Variants in OXR1 observed in about 807,000 individuals in gnomAD.
OXR1 encodes oxidation resistance protein 1.
OXR1 carries 41 observed loss-of-function variants against 104.6 expected under a neutral mutation model. That is an observed-to-expected ratio of 0.39 (90% CI 0.31 to 0.51). The LOEUF is 0.51. Among genes scored for constraint, OXR1 ranks in the 20% least tolerant of loss-of-function variants. The probability of loss-of-function intolerance (pLI) is 0.77; values close to 1 mark genes in which losing one functional copy is unlikely to be tolerated. For missense variants in OXR1, 955 were observed against 1,031.9 expected (o/e 0.93, Z 1.02); for synonymous variants, 348 against 348.4 (o/e 1.00, Z 0.01).
intron 2 of OXR1, among the ~76,000 whole-genome samples, chr8:106,404,301 G>T (rs577619129): frequency 5.3e-5 from 8 of 152,204 alleles, no homozygotes; most frequent in African/African-American, 1.7e-4. Flanking sequence ...CCAGAATGTA[G>T]GGCCTCAATG....
intron 2 of OXR1, among the ~76,000 whole-genome samples, chr8:106,474,405 T>C (rs537069758): frequency 1.3e-5 from 2 of 151,812 alleles, no homozygotes; most frequent in African/African-American, 2.4e-5. Flanking sequence ...CTGAGAGTAA[T>C]ATATAAACTC....
chr8:106,691,557 T>C (rs1829276738), intron 6 of OXR1, among the ~76,000 whole-genome samples: 1 of 151,194 alleles, frequency 6.6e-6, no homozygotes, highest in Admixed American at 6.6e-5. Flanking sequence ...AGAGATCATA[T>C]ATTGTTCAAA....
intron 4 of OXR1, among the ~76,000 whole-genome samples, chr8:106,682,911 T>C (rs1275042481): frequency 6.6e-6 from 1 of 152,184 alleles, no homozygotes; most frequent in Non-Finnish European, 1.5e-5. Flanking sequence ...CTTTGTAAAA[T>C]GAAAATAATC....
At chr8:106,315,385 A>T (rs1341936488) in intron 1 of OXR1, among the ~76,000 whole-genome samples, 1 of 152,172 alleles carries the variant, frequency 6.6e-6, no homozygotes, top group Non-Finnish European at 1.5e-5. Flanking sequence ...ATTGAAATTA[A>T]CTCATTTAAT....
At position 106,512,450 on chromosome 8, in the gene OXR1, A is replaced by C. The variant is rs1586741981; in HGVS notation, c.24-6493A>C. Among the ~76,000 whole-genome samples the C allele has an allele frequency of 3.1e-5, 4 of 129,528 alleles. 1 individual carries two copies. Among genetic ancestry groups the C allele is most frequent in the African/African-American group, 2.5e-5 (1 of 40,756 alleles). The allele number at this position is 129,528 out of a possible 152,430, so 85.0% of individuals were successfully genotyped here. A position where few individuals can be genotyped will look rare whatever the true frequency, so the allele number is the denominator to read the frequency against. On this transcript the variant is annotated intron_variant, in intron 2 of 16. Transcript: ENST00000517566. ...CTTAGGACTATAATAAGTGGATAGAAGAAGATCTGTTTTTTTTTCCAGACA... is the reference window on the plus strand; with the variant it reads ...CTTAGGACTATAATAAGTGGATAGACGAAGATCTGTTTTTTTTTCCAGACA...
At chr8:106,626,990 C>CT (rs2130872362) in intron 3 of OXR1, among the ~76,000 whole-genome samples, 1 of 151,966 alleles carries the variant, frequency 6.6e-6, no homozygotes, top group Non-Finnish European at 1.5e-5. Flanking sequence ...TGTTTCGATG[C>CT]TTTTCTCCGT....
intron 1 of OXR1, among the ~76,000 whole-genome samples, chr8:106,291,818 G>A (rs905208714): frequency 1.3e-5 from 2 of 152,128 alleles, no homozygotes; most frequent in Non-Finnish European, 2.9e-5. Context: ...TTTACTAGGT[G>A]GCAGGCAAGA....
chr8:106,539,505 T>C (rs989078539), intron 3 of OXR1, among the ~76,000 whole-genome samples: 1 of 152,206 alleles, frequency 6.6e-6, no homozygotes, highest in Non-Finnish European at 1.5e-5. Flanking sequence ...CAGTGGTTTT[T>C]TTGATGAAAA....
chr8:106,657,780 T>C (rs1563674609), intron 3 of OXR1: 1 of 1,180,570 alleles, frequency 8.5e-7, no homozygotes, highest in Non-Finnish European at 1.1e-6. Flanking sequence ...TTTGTCCGTC[T>C]TTTGCTCCCC....
intron 3 of OXR1, among the ~76,000 whole-genome samples, chr8:106,574,530 T>A (rs962462142): frequency 6.6e-6 from 1 of 152,204 alleles, no homozygotes; most frequent in African/African-American, 2.4e-5. Flanking sequence ...GGAGATAAGA[T>A]CCTTTACTGG....
intron 1 of OXR1, among the ~76,000 whole-genome samples, chr8:106,289,661 A>G (rs938493661): frequency 6.6e-6 from 1 of 152,138 alleles, no homozygotes; most frequent in Non-Finnish European, 1.5e-5. Context: ...AGATCACACT[A>G]CCTGATTTCA....
intron 3 of OXR1, among the ~76,000 whole-genome samples, chr8:106,598,916 G>C (rs890112627): frequency 1.3e-5 from 2 of 152,120 alleles, no homozygotes; most frequent in African/African-American, 2.4e-5. Flanking sequence ...TGAAATAGAA[G>C]CTGAATTTGT....
At chr8:106,572,280 C>T (rs1403796259) in intron 3 of OXR1, among the ~76,000 whole-genome samples, 1 of 152,156 alleles carries the variant, frequency 6.6e-6, no homozygotes, top group African/African-American at 2.4e-5. Context: ...CTGGTAATGA[C>T]CCCTATGGTA....
At chr8:106,526,447 A>T (rs1323690082) in intron 3 of OXR1, among the ~76,000 whole-genome samples, 1 of 152,272 alleles carries the variant, frequency 6.6e-6, no homozygotes, top group Non-Finnish European at 1.5e-5. Flanking sequence ...ATTTCTACCA[A>T]CAATGAATAA....
intron 3 of OXR1, among the ~76,000 whole-genome samples, chr8:106,659,359 G>A (rs1238120646): frequency 6.6e-6 from 1 of 152,136 alleles, no homozygotes; most frequent in East Asian, 1.9e-4. Context: ...TCTCATTTTA[G>A]CATAGCCCTT....
At chr8:106,277,428 T>C (rs1256436585) in intron 1 of OXR1, among the ~76,000 whole-genome samples, 2 of 152,246 alleles carry the variant, frequency 1.3e-5, no homozygotes, top group African/African-American at 2.4e-5. Context: ...GTCCTTGTAC[T>C]CTGCTAATTC....
At chr8:106,414,338 C>T (rs1032438142) in intron 2 of OXR1, among the ~76,000 whole-genome samples, 6 of 151,884 alleles carry the variant, frequency 4.0e-5, no homozygotes, top group African/African-American at 7.3e-5. Context: ...TGTGTAATTC[C>T]GAGAGGGAAG....
chr8:106,404,495 A>G (rs774375562), intron 2 of OXR1, among the ~76,000 whole-genome samples: 37 of 152,254 alleles, frequency 2.4e-4, no homozygotes, highest in Admixed American at 9.8e-4. Flanking sequence ...TCTTAGCCCT[A>G]TGGCTACAGG....
intron 3 of OXR1, among the ~76,000 whole-genome samples, chr8:106,612,630 G>A (rs1248613286): frequency 6.6e-6 from 1 of 152,054 alleles, no homozygotes; most frequent in Non-Finnish European, 1.5e-5. Flanking sequence ...TCATCATAAT[G>A]CATTTCTATA....
Sources: allele counts gnomAD v4.1 joint callset (sites outside exome capture counted in the v4.1 genomes callset), GRCh38; gene constraint gnomAD v4.1.1; transcripts MANE v1.5; gene names NCBI Gene and HGNC (gene_info 2026-07-23, HGNC 2026-07-21).